The following POU6F1 variants were observed in gnomAD, a reference collection of about 807,000 sequenced individuals.
The protein encoded by POU6F1 is POU class 6 homeobox 1, also known as POU domain, class 6, transcription factor 1.
Under a neutral mutation model 28.9 loss-of-function variants are expected in POU6F1, and 9 were observed. The observed-to-expected ratio is 0.31, with a 90% CI of 0.19 to 0.54. The LOEUF is 0.54. POU6F1 is among the 20% of genes least tolerant of loss of function. The pLI is 0.94. For missense variants in POU6F1, 338 were observed against 426.1 expected, an observed-to-expected ratio of 0.79 and a Z score of 1.82; for synonymous variants, 173 against 171.1, an observed-to-expected ratio of 1.01 and a Z score of -0.09.
At chr12:51,197,743 C>A in intron 6 of POU6F1, 27 bp downstream of exon 6, 1 of 399,554 alleles carries the variant, frequency 2.5e-6, no homozygotes. Flanking sequence ...CATCCCTGGT[C>A]AGCCCTGGGT....
chr12:51,189,986 TA>T lies in POU6F1; in HGVS notation c.*260del. On this transcript the variant is annotated 3_prime_UTR_variant, in exon 11 of 11. Transcript: ENST00000333640. ...AAACCATGCTAGCAAGGTGCTTCTC[TA>T]AGTGACGTCACAAATCCTCTTCTTC... The T allele has an allele frequency of 1.9e-6, 1 of 533,544 alleles. No individual in the cohort carries two copies. The highest frequency in any genetic ancestry group is 3.2e-6 in the Non-Finnish European group (1 of 310,728). The allele number at this position is 533,544 out of a possible 1,614,324, so 33.1% of individuals were successfully genotyped here.
intron 8 of POU6F1, among the ~76,000 whole-genome samples, chr12:51,194,070 AGG>A: frequency 6.6e-6 from 1 of 152,058 alleles, no homozygotes; most frequent in Non-Finnish European, 1.5e-5. Flanking sequence ...TTTGTTGCCC[AGG>A]CTGGAGTGCA....
chr12:51,203,626 C>A (rs369516104), intron 3 of POU6F1, among the ~76,000 whole-genome samples: 7 of 152,256 alleles, frequency 4.6e-5, no homozygotes, highest in African/African-American at 1.7e-4. Context: ...CGGAAGTTTG[C>A]GTGTTCTCAT....
At chr12:51,213,242 T>C (rs1944121256) in intron 1 of POU6F1, among the ~76,000 whole-genome samples, 2 of 151,740 alleles carry the variant, frequency 1.3e-5, no homozygotes, top group African/African-American at 4.8e-5. Flanking sequence ...CGGCCTCTAA[T>C]GCAGTTTTAT....
rs1329986736 is a variant in POU6F1 at position 51,195,162 on chromosome 12, C to T, written c.1179+808G>A. Among the ~76,000 whole-genome samples, 14 of 152,270 alleles carry T rather than the reference C, an allele frequency of 9.2e-5. No homozygotes were observed. In the South Asian group the frequency reaches 1.9e-3, roughly 20 times the overall value. ...TTTTAGAGATGGGGTCTTGCTATGT[C>T]GTCCAGGCTGGAGTGCAGTGGCTAT... On this transcript the variant is annotated intron_variant, in intron 8 of 10. Coordinates refer to ENST00000333640, the MANE Select transcript of POU6F1 (RefSeq NM_001330422.2).
At chr12:51,218,062 CAA>C (rs1466376159), upstream of POU6F1, among the ~76,000 whole-genome samples, 1 of 149,300 alleles carries the variant, frequency 6.7e-6, no homozygotes, top group Admixed American at 6.7e-5. Flanking sequence ...ATAATTTATG[CAA>C]AGAGCTTTGC....
intron 1 of POU6F1, among the ~76,000 whole-genome samples, chr12:51,210,515 G>A (rs895093278): frequency 9.2e-5 from 14 of 152,136 alleles, no homozygotes; most frequent in Admixed American, 8.5e-4. Context: ...TTGTTGTGGC[G>A]TCTGGCTCCT....
Position 51,189,993 on chromosome 12 carries a change from C to A in POU6F1, c.*254G>T. On this transcript the variant is annotated 3_prime_UTR_variant, in exon 11 of 11. Transcript: ENST00000333640. The stretch of plus-strand genomic sequence containing the variant: ...GCTAGCAAGGTGCTTCTCTAAGTGA[C>A]GTCACAAATCCTCTTCTTCGGAGTG... 1.8e-6 allele frequency: 1 copy of A among 555,162 alleles called. No individual in the cohort carries two copies. Among genetic ancestry groups the A allele is most frequent in the Non-Finnish European group, 3.1e-6 (1 of 327,238 alleles). The allele number at this position is 555,162 out of a possible 1,614,324, so 34.4% of individuals were successfully genotyped here.
chr12:51,196,291 G>T (rs1018635482), intron 7 of POU6F1, 118 bp from the exon 8 acceptor site: 6 of 843,950 alleles, frequency 7.1e-6, no homozygotes, highest in Non-Finnish European at 1.1e-5. Context: ...AACCTGCTCT[G>T]GCCTCAGCTT....
At chr12:51,193,245 G>A (rs1349157829) in intron 8 of POU6F1, among the ~76,000 whole-genome samples, 9 of 152,190 alleles carry the variant, frequency 5.9e-5, no homozygotes, top group Admixed American at 5.2e-4. Context: ...GCCATTAAAA[G>A]GGAGAAGGTA....
chr12:51,198,524 G>A (rs541371481), intron 5 of POU6F1, 26 bp downstream of exon 5: 5 of 399,244 alleles, frequency 1.3e-5, no homozygotes, highest in Admixed American at 4.4e-5. Context: ...GGGGCCTGGT[G>A]CAGTCCTGGG....
chr12:51,191,551 G>C (rs776090344), intron 10 of POU6F1, 45 bp downstream of exon 10: 9 of 1,584,890 alleles, frequency 5.7e-6, no homozygotes, highest in Non-Finnish European at 7.7e-6. Flanking sequence ...GGTGGCACCA[G>C]GCAGCTGAGC....
rs557913772 is a variant in POU6F1 at position 51,187,601 on chromosome 12, C to T, written c.*2646G>A. ...CACCCCCATGCCTGGGGAACTCAGC[C>T]TGCAAACCTCCCACCCCTGGTATTG... is the stretch of plus-strand genomic sequence containing the variant. On this transcript the variant is annotated 3_prime_UTR_variant, in exon 11 of 11. Transcript: ENST00000333640. 1.3e-5 allele frequency: 2 copies of T among 152,316 alleles called. No individual in the cohort carries two copies. Among genetic ancestry groups the T allele is most frequent in the South Asian group, 2.1e-4 (1 of 4,826 alleles). The allele number at this position is 152,316 out of a possible 1,614,324, so 9.4% of individuals were successfully genotyped here.
intron 2 of POU6F1, among the ~76,000 whole-genome samples, chr12:51,205,331 C>T (rs919067348): frequency 1.3e-5 from 2 of 152,104 alleles, no homozygotes; most frequent in Non-Finnish European, 2.9e-5. Flanking sequence ...TGAGCCACCA[C>T]GCCCGGCCTG....
Position 51,187,693 on chromosome 12 carries a change from G to A in POU6F1, c.*2554C>T, listed in dbSNP as rs1942111500. ...TGGTTTAGTTTTAGCTCAGCTTTGG[G>A]AAGACAAATTTAAATGAGGGAGGGG... On this transcript the variant is annotated 3_prime_UTR_variant, in exon 11 of 11. Coordinates refer to ENST00000333640, the MANE Select transcript of POU6F1 (RefSeq NM_001330422.2). 1 of 152,208 alleles carries A rather than the reference G, an allele frequency of 6.6e-6. No individual in the cohort carries two copies. Among genetic ancestry groups the A allele is most frequent in the African/African-American group, 2.4e-5 (1 of 41,440 alleles). 9.4% of individuals were successfully genotyped at this position (152,208 alleles called of 1,614,324 possible). A position where few individuals can be genotyped will look rare whatever the true frequency, so the allele number is the denominator to read the frequency against.
At chr12:51,207,035 T>A in intron 1 of POU6F1, 152 bp from the exon 2 acceptor site, 1 of 344,684 alleles carries the variant, frequency 2.9e-6, no homozygotes, top group Non-Finnish European at 5.2e-6. Flanking sequence ...AAAAGGATTC[T>A]TTTTTTTTGA....
At chr12:51,194,115 C>T (rs1942639934) in intron 8 of POU6F1, among the ~76,000 whole-genome samples, 1 of 152,126 alleles carries the variant, frequency 6.6e-6, no homozygotes. Context: ...CAACCTCTGC[C>T]TCCCGGGTTC....
intron 1 of POU6F1, among the ~76,000 whole-genome samples, chr12:51,214,772 T>C (rs1592209276): frequency 6.6e-6 from 1 of 151,946 alleles, no homozygotes; most frequent in East Asian, 1.9e-4. Flanking sequence ...ACCCTATCTC[T>C]ACCAAAACAT....
chr12:51,214,875 C>T lies in POU6F1; in HGVS notation c.-48+2767G>A, dbSNP rs144565647. Among the ~76,000 whole-genome samples the T allele has an allele frequency of 2.8e-3, 432 of 152,140 alleles. 7 individuals carry two copies. The highest frequency in any genetic ancestry group is 0.02 in the East Asian group (105 of 5,160). On this transcript the variant is annotated intron_variant, in intron 1 of 10. Coordinates refer to ENST00000333640, the MANE Select transcript of POU6F1 (RefSeq NM_001330422.2). Reference sequence around the variant, plus strand: ...TTGGGAGGCTGAGGCCAGAGAATCGCTTGAGCCCAAGAAGGTGAAGCTGCA... The same window carrying T: ...TTGGGAGGCTGAGGCCAGAGAATCGTTTGAGCCCAAGAAGGTGAAGCTGCA...
Sources: gnomAD v4.1 joint callset for allele counts (sites outside exome capture counted in the v4.1 genomes callset) on GRCh38, gnomAD v4.1.1 for gene constraint, MANE v1.5 for transcripts, NCBI Gene and HGNC (gene_info 2026-07-23, HGNC 2026-07-21) for gene names.